Variants in NID2 observed in about 807,000 individuals in gnomAD.
NID2 encodes the protein nidogen 2.
NID2 carries 83 observed loss-of-function variants against 145.4 expected under a neutral mutation model. The observed-to-expected ratio is 0.57, with a 90% CI of 0.48 to 0.69. The LOEUF (loss-of-function observed/expected upper bound fraction) is 0.69. Ranked by LOEUF, NID2 falls within the 30% of genes least tolerant of loss-of-function variation. The pLI is 0.00. For synonymous variants in NID2, 739 were observed against 701.3 expected (o/e 1.05, Z -0.85); for missense variants, 1,807 against 1,765.7 (o/e 1.02, Z -0.42).
At position 52,068,978 on chromosome 14, in the gene NID2, A is replaced by G. The variant is rs1893327729; in HGVS notation, c.17T>C (p.Val6Ala). 2 of 1,611,522 alleles carry G rather than the reference A, an allele frequency of 1.2e-6. No individual in the cohort carries two copies. Among genetic ancestry groups the G allele is most frequent in the African/African-American group, 2.7e-5 (2 of 74,980 alleles). Residue 6 changes from valine to alanine, a missense_variant, in exon 1 of 22, where the codon GTG becomes GCG. Val to Ala is a moderately conservative substitution (Grantham distance 64). Coordinates refer to ENST00000216286, the MANE Select transcript of NID2 (RefSeq NM_007361.4). ...CGACGACAGCACCGGCCGCCCGGCC[A>G]CCCGGTCCCCCTCCATGCTCGCTCG... MEGDR[V>A]AGRPVLSSLP...
Position 52,068,882 on chromosome 14 carries a change from G to A in NID2, c.113C>T (p.Pro38Leu). Reference sequence around the variant, plus strand: ...CTGGTCCCCCCACGACTCCCCGTGTGGGAAGAGCTCGTCTGGGTGCAGCGC... The same window carrying A: ...CTGGTCCCCCCACGACTCCCCGTGTAGGAAGAGCTCGTCTGGGTGCAGCGC... ...AAALHPDELF[P>L]HGESWGDQLL... The change falls in exon 1 of 22, where the codon CCA becomes CTA. Residue 38 changes from proline (P) to leucine (L), a missense_variant. Pro to Leu is a moderately conservative substitution (Grantham distance 98). Coordinates refer to ENST00000216286, the MANE Select transcript of NID2 (RefSeq NM_007361.4). 1 of 1,614,056 alleles carries A rather than the reference G, an allele frequency of 6.2e-7. No homozygotes were observed. Among genetic ancestry groups the A allele is most frequent in the South Asian group, 1.1e-5 (1 of 91,088 alleles).
chr14:52,046,070 T>A (rs1402420452), intron 5 of NID2, among the ~76,000 whole-genome samples: 1 of 152,134 alleles, frequency 6.6e-6, no homozygotes. Flanking sequence ...ACACCTGTAA[T>A]CCCAGCACTT....
intron 3 of NID2, among the ~76,000 whole-genome samples, chr14:52,058,093 A>C (rs1476286): frequency 0.68 from 104,149 of 152,098 alleles, 36,439 homozygotes; most frequent in Non-Finnish European, 0.77. Flanking sequence ...TATGCTGTTT[A>C]CTGCAATGAT....
Position 52,058,212 on chromosome 14 carries a change from T to C in NID2, c.767+1912A>G, listed in dbSNP as rs1441518293. On this transcript the variant is annotated intron_variant, in intron 3 of 21. Coordinates refer to ENST00000216286, the MANE Select transcript of NID2 (RefSeq NM_007361.4). The stretch of plus-strand genomic sequence containing the variant: ...CTTAAAATGGTAGTATAGACAGACA[T>C]CTGACTAAAAGACCCCTATAAGAAG... Among the ~76,000 whole-genome samples, 5 of 152,354 alleles carry C rather than the reference T, an allele frequency of 3.3e-5. No homozygotes were observed. The Middle Eastern group carries it at 0.01, about 311-fold the overall frequency.
chr14:52,022,743 A>C (rs1891447533), intron 12 of NID2, among the ~76,000 whole-genome samples: 1 of 152,218 alleles, frequency 6.6e-6, no homozygotes, highest in Admixed American at 6.5e-5. Flanking sequence ...TTCGTGCTTC[A>C]ACATCCTTCT....
intron 12 of NID2, among the ~76,000 whole-genome samples, chr14:52,023,536 T>C (rs544710428): frequency 1.3e-5 from 2 of 152,154 alleles, no homozygotes; most frequent in Non-Finnish European, 2.9e-5. Context: ...ATAATGTCAG[T>C]ATCTTCCCTC....
At chr14:52,023,447 C>G (rs990275890) in intron 12 of NID2, among the ~76,000 whole-genome samples, 4 of 151,040 alleles carry the variant, frequency 2.6e-5, no homozygotes, top group African/African-American at 9.7e-5. Flanking sequence ...AAAGTAAGAC[C>G]CTGCCTAAAA....
At chr14:52,014,215 AC>A in intron 16 of NID2, 71 bp downstream of exon 16, 1 of 1,587,360 alleles carries the variant, frequency 6.3e-7, no homozygotes, top group East Asian at 2.2e-5. Context: ...CCTCACTGCA[AC>A]AGGGCCTGTG....
intron 9 of NID2, among the ~76,000 whole-genome samples, chr14:52,036,362 TTGAA>T (rs1288602458): frequency 2.0e-5 from 3 of 152,236 alleles, no homozygotes; most frequent in African/African-American, 7.2e-5. Flanking sequence ...CTTTTTATGG[TTGAA>T]TAATATTCCA....
intron 18 of NID2, chr14:52,009,563 C>G (rs1445843009): frequency 6.6e-6 from 1 of 152,098 alleles, no homozygotes; most frequent in East Asian, 1.9e-4. Context: ...TAAGAAAGTT[C>G]TACTTTCATA....
intron 12 of NID2, among the ~76,000 whole-genome samples, chr14:52,021,765 A>T (rs1293909177): frequency 6.6e-6 from 1 of 152,226 alleles, no homozygotes; most frequent in South Asian, 2.1e-4. Flanking sequence ...ATTCATCTGC[A>T]AGGGTAGAAA....
chr14:52,069,035 C>A lies in NID2; in HGVS notation c.-41G>T. 1 of 1,499,998 alleles carries A rather than the reference C, an allele frequency of 6.7e-7. No homozygotes were observed. The highest frequency in any genetic ancestry group is 2.3e-5 in the East Asian group (1 of 42,796). The allele number at this position is 1,499,998 out of a possible 1,614,324, so 92.9% of individuals were successfully genotyped here. On this transcript the variant is annotated 5_prime_UTR_variant, in exon 1 of 22. Transcript: ENST00000216286. The stretch of plus-strand genomic sequence containing the variant: ...CGCTTACCCGCTGCACAACGCGTCC[C>A]GCCCCGGCCTCCAGCCCACTCTCCG...
At chr14:52,031,961 TCCTAATC>T (rs1006812854) in intron 9 of NID2, among the ~76,000 whole-genome samples, 1 of 152,138 alleles carries the variant, frequency 6.6e-6, no homozygotes, top group Admixed American at 6.5e-5. Flanking sequence ...CCAGAGTGAC[TCCTAATC>T]TAGATCCCAA....
chr14:52,007,779 T>C (rs1164719818), intron 19 of NID2, 31 bp downstream of exon 19: 4 of 1,585,808 alleles, frequency 2.5e-6, no homozygotes, highest in South Asian at 1.1e-5. Context: ...TGATGAGAGG[T>C]TATCTATTTG....
At chr14:52,029,301 G>A (rs1354574503) in intron 10 of NID2, among the ~76,000 whole-genome samples, 1 of 152,092 alleles carries the variant, frequency 6.6e-6, no homozygotes, top group East Asian at 1.9e-4. Context: ...AAACATCCAG[G>A]AACTGCAACA....
intron 14 of NID2, 36 bp from the exon 15 acceptor site, chr14:52,015,311 T>G (rs1566745023): frequency 1.3e-6 from 2 of 1,571,670 alleles, no homozygotes; most frequent in Middle Eastern, 1.7e-4. Context: ...AGAAAAACCT[T>G]TGATTGTGAG....
chr14:52,058,937 G>A (rs141824488), intron 3 of NID2, among the ~76,000 whole-genome samples: 14 of 151,928 alleles, frequency 9.2e-5, no homozygotes, highest in East Asian at 5.8e-4. Flanking sequence ...CAGACTAAGC[G>A]GCAGCCTAGA....
rs1890717590 is a variant in NID2 at position 52,005,225 on chromosome 14, A to AAGTTGCTTTAAT, written c.*249_*260dup. On this transcript the variant is annotated 3_prime_UTR_variant, in exon 22 of 22. Coordinates refer to ENST00000216286, the MANE Select transcript of NID2 (RefSeq NM_007361.4). ...AATATTAATGATAAATGTTTACAAG[A>AAGTTGCTTTAAT]AGTTGCTTTAATAAGCAACAGTTAA... is the stretch of plus-strand genomic sequence containing the variant. The AAGTTGCTTTAAT allele has an allele frequency of 1.4e-5, 5 of 358,406 alleles. No homozygotes were observed. The highest frequency in any genetic ancestry group is 7.4e-4 in the Middle Eastern group (1 of 1,350). The allele number at this position is 358,406 out of a possible 1,614,324, so 22.2% of individuals were successfully genotyped here.
intron 17 of NID2, 97 bp from the exon 18 acceptor site, chr14:52,011,144 G>T: frequency 8.4e-7 from 1 of 1,195,202 alleles, no homozygotes; most frequent in East Asian, 2.4e-5. Context: ...GGTCAGCAGG[G>T]GAAAGCAAAG....
Sources: gnomAD v4.1 joint callset for allele counts (sites outside exome capture counted in the v4.1 genomes callset) on GRCh38, gnomAD v4.1.1 for gene constraint, MANE v1.5 for transcripts, NCBI Gene and HGNC (gene_info 2026-07-23, HGNC 2026-07-21) for gene names.